GLG1: variants seen among roughly 807,000 people sequenced by gnomAD.
GLG1 encodes Golgi apparatus protein 1.
GLG1 carries 38 observed loss-of-function variants against 160.5 expected under a neutral mutation model. That is an observed-to-expected ratio of 0.24 (90% CI 0.18 to 0.31). The LOEUF is 0.31. Among genes scored for constraint, GLG1 ranks in the 10% least tolerant of loss-of-function variants. The pLI, the probability that GLG1 is intolerant of heterozygous loss-of-function variation, is 1.00. For synonymous variants in GLG1, 644 were observed against 543.4 expected (o/e 1.19, Z -2.57); for missense variants, 1,373 against 1,505.2 (o/e 0.91, Z 1.45).
At position 74,607,032 on chromosome 16, in the gene GLG1, C is replaced by T. The variant is rs1226634391; in HGVS notation, c.63G>A (p.Leu21=). The change falls in exon 1 of 26, where the codon CTG becomes CTA. Residue 21 remains leucine (L), a synonymous_variant. Coordinates refer to ENST00000422840, the MANE Select transcript of GLG1 (RefSeq NM_001145667.2). ...FRLSAALHLL[L]LFAAGAEKLP... is the part of the protein sequence containing the mutation. ...GTTTCTCGGCCCCGGCCGCGAATAG[C>T]AGCAGCAGATGCAGCGCCGCCGACA... 1.9e-6 allele frequency: 3 copies of T among 1,597,226 alleles called. No homozygotes were observed. In the African/African-American group the frequency reaches 4.0e-5, roughly 21 times the overall value.
intron 1 of GLG1, among the ~76,000 whole-genome samples, chr16:74,569,751 T>C (rs1054497095): frequency 5.4e-5 from 8 of 148,850 alleles, no homozygotes; most frequent in African/African-American, 2.0e-4. Context: ...TAATTCCAGC[T>C]ACATGGGAGG....
intron 1 of GLG1, among the ~76,000 whole-genome samples, chr16:74,537,432 T>G (rs542201749): frequency 2.0e-5 from 3 of 151,404 alleles, no homozygotes; most frequent in Non-Finnish European, 4.4e-5. Flanking sequence ...TAGTTAGCAA[T>G]AGAAGTGTGT....
chr16:74,489,836 C>G (rs529139332), intron 8 of GLG1, among the ~76,000 whole-genome samples: 1 of 152,176 alleles, frequency 6.6e-6, no homozygotes, highest in Admixed American at 6.5e-5. Flanking sequence ...AGGTGAGTAA[C>G]TAAAGCTAAG....
chr16:74,519,672 G>T (rs1221612741), intron 2 of GLG1, among the ~76,000 whole-genome samples: 1 of 151,664 alleles, frequency 6.6e-6, no homozygotes, highest in Non-Finnish European at 1.5e-5. Flanking sequence ...GTTCTATAAA[G>T]TTAGTTTAAA....
chr16:74,480,042 A>G (rs2015540641), intron 11 of GLG1, among the ~76,000 whole-genome samples, 199 bp downstream of exon 11: 1 of 152,218 alleles, frequency 6.6e-6, no homozygotes, highest in African/African-American at 2.4e-5. Flanking sequence ...TTAAAAACAT[A>G]AAATCAGATG....
At chr16:74,491,351 T>A in intron 7 of GLG1, 136 bp from the exon 8 acceptor site, 1 of 682,462 alleles carries the variant, frequency 1.5e-6, no homozygotes, top group Non-Finnish European at 2.5e-6. Flanking sequence ...CTGAAAAGTT[T>A]AGAATTAGCA....
chr16:74,459,778 T>G lies in GLG1; in HGVS notation c.3048A>C (p.Leu1016=), dbSNP rs971852779. ...QLHCSDEISS[L]CAEEAAAQEQ... Reference sequence around the variant, plus strand: ...CTTGGGCTGCTGCTTCTTCAGCACATAGACTGGAGATCTGTTCAGGAGACA... The same window carrying G: ...CTTGGGCTGCTGCTTCTTCAGCACAGAGACTGGAGATCTGTTCAGGAGACA... Residue 1016 remains leucine (L), a synonymous_variant, in exon 23 of 26, where the codon CTA becomes CTC. Transcript: ENST00000422840. 3.1e-6 allele frequency: 5 copies of G among 1,593,402 alleles called. No homozygotes were observed. Among genetic ancestry groups the G allele is most frequent in the Non-Finnish European group, 4.3e-6 (5 of 1,163,310 alleles).
chr16:74,508,500 G>C (rs774218234), intron 3 of GLG1, among the ~76,000 whole-genome samples: 9 of 152,090 alleles, frequency 5.9e-5, no homozygotes, highest in Non-Finnish European at 1.3e-4. Context: ...GCCAAAACAG[G>C]AATGCTGACA....
intron 1 of GLG1, among the ~76,000 whole-genome samples, chr16:74,566,929 C>A (rs1480076047): frequency 1.3e-5 from 2 of 151,906 alleles, no homozygotes; most frequent in Non-Finnish European, 2.9e-5. Context: ...ACACATATTG[C>A]TAAGATGTGA....
At chr16:74,498,423 G>C (rs1271527039) in intron 4 of GLG1, among the ~76,000 whole-genome samples, 15 of 16,850 alleles carry the variant, frequency 8.9e-4, no homozygotes, top group Non-Finnish European at 3.2e-4. Context: ...TGCAGTGCAA[G>C]GCTCTGTCTC....
At chr16:74,475,259 A>T (rs2015357421) in intron 12 of GLG1, among the ~76,000 whole-genome samples, 1 of 152,106 alleles carries the variant, frequency 6.6e-6, no homozygotes, top group Non-Finnish European at 1.5e-5. Context: ...AAAGTCTAAA[A>T]ACCTTATCAG....
chr16:74,604,082 G>A (rs1217107541), intron 1 of GLG1, among the ~76,000 whole-genome samples: 4 of 152,032 alleles, frequency 2.6e-5, no homozygotes, highest in Admixed American at 1.3e-4. Flanking sequence ...CTTGAACCCG[G>A]AATGTGGAGG....
chr16:74,507,344 G>T (rs2016648928), intron 3 of GLG1, among the ~76,000 whole-genome samples: 1 of 152,078 alleles, frequency 6.6e-6, no homozygotes, highest in Non-Finnish European at 1.5e-5. Context: ...ATTTCCCTGG[G>T]CCAATCAAAC....
rs895018991 is a variant in GLG1, at chr16:74,493,729, A to G, written c.1051-589T>C. Among the ~76,000 whole-genome samples the G allele has an allele frequency of 7.2e-5, 11 of 152,344 alleles. No homozygotes were observed. In the East Asian group the frequency reaches 2.1e-3, roughly 29 times the overall value. On this transcript the variant is annotated intron_variant, in intron 6 of 25. Coordinates refer to ENST00000422840, the MANE Select transcript of GLG1 (RefSeq NM_001145667.2). ...TGCATTCATTCAGGGACAAAGAACT[A>G]AAAGAGGATGCTTAATGATATAGCT...
At position 74,491,079 on chromosome 16, in the gene GLG1, T is replaced by C; in HGVS notation, c.1371A>G (p.Arg457=). Residue 457 remains arginine, a synonymous_variant, in exon 8 of 26, where the codon CGA becomes CGG. Coordinates refer to ENST00000422840, the MANE Select transcript of GLG1 (RefSeq NM_001145667.2). ...EIEHHCSGLH[R]KGRTLHCLMK... ...TCAGACAGTGTAGGGTCCGCCCTTT[T>C]CGATGTAATCCGGAACAATGGTGTT... 6.2e-7 allele frequency: 1 copy of C among 1,614,176 alleles called. No individual in the cohort carries two copies. The highest frequency in any genetic ancestry group is 1.1e-5 in the South Asian group (1 of 91,080).
chr16:74,535,288 G>A (rs1445999163), intron 1 of GLG1, among the ~76,000 whole-genome samples: 1 of 152,248 alleles, frequency 6.6e-6, no homozygotes, highest in Non-Finnish European at 1.5e-5. Context: ...ATATTGGAAA[G>A]CACAGAGCAC....
chr16:74,497,118 A>C (rs2016217979), intron 4 of GLG1, among the ~76,000 whole-genome samples: 1 of 151,830 alleles, frequency 6.6e-6, no homozygotes, highest in Admixed American at 6.6e-5. Context: ...ATCTGTACTA[A>C]AAATACTAAA....
chr16:74,452,773 A>T lies in GLG1; in HGVS notation c.*394T>A. On this transcript the variant is annotated 3_prime_UTR_variant, in exon 26 of 26. Coordinates refer to ENST00000422840, the MANE Select transcript of GLG1 (RefSeq NM_001145667.2). ...ATTGCCCAAATCAAGCCTGGAGGAG[A>T]TGCGTTACTATATACATTTTTTTCT... 1 of 991,158 alleles carries T rather than the reference A, an allele frequency of 1.0e-6. No individual in the cohort carries two copies. Among genetic ancestry groups the T allele is most frequent in the Non-Finnish European group, 1.2e-6 (1 of 832,844 alleles). The allele number at this position is 991,158 out of a possible 1,614,324, so 61.4% of individuals were successfully genotyped here.
At chr16:74,563,996 T>C (rs958790518) in intron 1 of GLG1, among the ~76,000 whole-genome samples, 1 of 152,166 alleles carries the variant, frequency 6.6e-6, no homozygotes, top group Non-Finnish European at 1.5e-5. Flanking sequence ...CAATCATGAC[T>C]CATTTAGCCT....
Sources: gnomAD v4.1 joint callset for allele counts (sites outside exome capture counted in the v4.1 genomes callset) on GRCh38, gnomAD v4.1.1 for gene constraint, MANE v1.5 for transcripts, NCBI Gene and HGNC (gene_info 2026-07-23, HGNC 2026-07-21) for gene names.